The following SLC8A1 variants were observed in gnomAD, a reference collection of about 807,000 sequenced individuals.
The protein encoded by SLC8A1 is solute carrier family 8 member A1, also known as sodium/calcium exchanger 1.
SLC8A1 carries 18 observed loss-of-function variants against 68.3 expected under a neutral mutation model. The observed-to-expected ratio is 0.26, with a 90% CI of 0.18 to 0.39. The LOEUF (loss-of-function observed/expected upper bound fraction) is 0.39. Ranked by LOEUF, SLC8A1 falls within the 10% of genes least tolerant of loss-of-function variation. The pLI is 1.00. For missense variants in SLC8A1, 985 were observed against 1,156.7 expected (o/e 0.85, Z 2.15); for synonymous variants, 475 against 415.5 (o/e 1.14, Z -1.74).
chr2:40,196,242 A>G (rs925107869), intron 2 of SLC8A1, among the ~76,000 whole-genome samples: 1 of 152,058 alleles, frequency 6.6e-6, no homozygotes, highest in Non-Finnish European at 1.5e-5. Context: ...AAGAGTTTTA[A>G]TACAAAAGAG....
intron 2 of SLC8A1, among the ~76,000 whole-genome samples, chr2:40,300,950 C>T (rs144764824): frequency 1.2e-4 from 18 of 152,122 alleles, no homozygotes; most frequent in African/African-American, 1.7e-4. Flanking sequence ...ATAATCTATA[C>T]GTAATTGTCC....
intron 2 of SLC8A1, among the ~76,000 whole-genome samples, chr2:40,303,611 A>G (rs2071976530): frequency 6.6e-6 from 1 of 152,172 alleles, no homozygotes; most frequent in Non-Finnish European, 1.5e-5. Flanking sequence ...AGAGAAAAAC[A>G]CATGGCAATC....
At chr2:40,305,236 GA>G (rs1206799638) in intron 2 of SLC8A1, among the ~76,000 whole-genome samples, 2 of 152,178 alleles carry the variant, frequency 1.3e-5, no homozygotes, top group Non-Finnish European at 2.9e-5. Flanking sequence ...ACAGAAGGAT[GA>G]CCATGACACA....
At chr2:40,446,323 T>C (rs916012947) in intron 1 of SLC8A1, 5 of 152,188 alleles carry the variant, frequency 3.3e-5, no homozygotes, top group Admixed American at 1.3e-4. Flanking sequence ...TTGTTATTTG[T>C]TTCAGATCCT....
chr2:40,301,549 G>A (rs1365361065), intron 2 of SLC8A1, among the ~76,000 whole-genome samples: 1 of 151,772 alleles, frequency 6.6e-6, no homozygotes. Context: ...CTATGAGGAT[G>A]CAAAGGCATA....
chr2:40,243,756 G>T (rs915804678), intron 2 of SLC8A1, among the ~76,000 whole-genome samples: 3 of 152,158 alleles, frequency 2.0e-5, no homozygotes, highest in East Asian at 3.9e-4. Context: ...CAGTGGGAAG[G>T]CACCAACTCT....
intron 2 of SLC8A1, among the ~76,000 whole-genome samples, chr2:40,357,246 C>T (rs961403258): frequency 6.6e-6 from 1 of 152,132 alleles, no homozygotes; most frequent in Admixed American, 6.6e-5. Context: ...AATCTCAGCA[C>T]TTTGGGAGGC....
intron 2 of SLC8A1, among the ~76,000 whole-genome samples, chr2:40,282,325 A>G (rs1310868104): frequency 6.6e-6 from 1 of 152,194 alleles, no homozygotes; most frequent in Non-Finnish European, 1.5e-5. Flanking sequence ...AAAACACAAT[A>G]AAAAGAATGG....
intron 2 of SLC8A1, among the ~76,000 whole-genome samples, chr2:40,183,609 A>T (rs2050057196): frequency 6.6e-6 from 1 of 152,146 alleles, no homozygotes; most frequent in Admixed American, 6.5e-5. Context: ...GGCCCACAGA[A>T]TCTGCATTTT....
At chr2:40,224,562 A>C (rs762288198) in intron 2 of SLC8A1, among the ~76,000 whole-genome samples, 5 of 152,114 alleles carry the variant, frequency 3.3e-5, no homozygotes, top group Non-Finnish European at 7.4e-5. Flanking sequence ...GTGCAGCTCC[A>C]TCATCCACGG....
At chr2:40,139,727 C>CT in intron 6 of SLC8A1, 51 bp from the exon 10 acceptor site, 1 of 1,570,670 alleles carries the variant, frequency 6.4e-7, no homozygotes, top group South Asian at 1.2e-5. Context: ...GTTGCCGGGT[C>CT]TTCCTCTCTC....
Position 40,401,409 on chromosome 2 carries a change from T to A in SLC8A1, c.1808+27064A>T, listed in dbSNP as rs143357897. Among the ~76,000 whole-genome samples, 489 of 149,942 alleles carry A rather than the reference T, an allele frequency of 3.3e-3. 3 individuals carry two copies. The highest frequency in any genetic ancestry group is 4.5e-3 in the Admixed American group (69 of 15,264). On this transcript the variant is annotated intron_variant, in intron 2 of 7. Transcript: ENST00000406785. ...TCAAGGTCTAAATCTCCATGTTACC[T>A]GTTTTTCTTCTATGCTATTTTTTTT... is the stretch of plus-strand genomic sequence containing the variant.
intron 2 of SLC8A1, chr2:40,208,443 G>C (rs922532664): frequency 3.3e-5 from 5 of 152,266 alleles, no homozygotes; most frequent in Middle Eastern, 3.4e-3. Context: ...CTGAATATTA[G>C]TCTTTCAGGT....
rs370511391 is a variant in SLC8A1, at chr2:40,479,117, A to G, written c.-25+33232T>C. Among the ~76,000 whole-genome samples the G allele has an allele frequency of 4.6e-5, 7 of 152,308 alleles. No individual in the cohort carries two copies. The South Asian group carries it at 1.2e-3, about 27-fold the overall frequency. On this transcript the variant is annotated intron_variant, in intron 1 of 7. Transcript: ENST00000402441. ...TTCAGGAGAACGTATAAATTTCACC[A>G]ATTCACACCATTAATTCAGAATGTA...
chr2:40,302,986 A>T (rs1395126029), intron 2 of SLC8A1, among the ~76,000 whole-genome samples: 1 of 152,220 alleles, frequency 6.6e-6, no homozygotes, highest in Non-Finnish European at 1.5e-5. Context: ...CTGGGAGCCC[A>T]TGGAGATCTA....
At chr2:40,353,940 T>A (rs1379000593) in intron 2 of SLC8A1, among the ~76,000 whole-genome samples, 1 of 152,184 alleles carries the variant, frequency 6.6e-6, no homozygotes, top group African/African-American at 2.4e-5. Context: ...TGAATAAGCG[T>A]ACCATTTTAC....
chr2:40,490,129 A>G (rs563210505), intron 1 of SLC8A1, among the ~76,000 whole-genome samples: 83 of 152,262 alleles, frequency 5.5e-4, no homozygotes, highest in African/African-American at 1.9e-3. Context: ...TTGCGTGGAT[A>G]TCTTACTTAT....
intron 3 of SLC8A1, among the ~76,000 whole-genome samples, chr2:40,176,341 G>A (rs535544165): frequency 3.3e-5 from 5 of 152,228 alleles, no homozygotes; most frequent in East Asian, 1.9e-4. Flanking sequence ...TTACTAAAAC[G>A]GCAATTGTAA....
intron 1 of SLC8A1, among the ~76,000 whole-genome samples, chr2:40,475,832 T>A (rs1366286843): frequency 6.6e-6 from 1 of 152,118 alleles, no homozygotes; most frequent in East Asian, 1.9e-4. Context: ...GGCATTCTCT[T>A]AGATCATTAC....
Sources: gnomAD v4.1 joint callset for allele counts (sites outside exome capture counted in the v4.1 genomes callset) on GRCh38, gnomAD v4.1.1 for gene constraint, MANE v1.5 for transcripts, NCBI Gene and HGNC (gene_info 2026-07-23, HGNC 2026-07-21) for gene names.